KLF7: variants seen among roughly 807,000 people sequenced by gnomAD.
The protein encoded by KLF7 is KLF transcription factor 7, also known as Krueppel-like factor 7.
KLF7 carries 2 observed loss-of-function variants against 27.3 expected under a neutral mutation model. That is an observed-to-expected ratio of 0.07 (90% confidence interval 0.03 to 0.23). The LOEUF (loss-of-function observed/expected upper bound fraction) is 0.23. KLF7 is among the 10% of genes least tolerant of loss of function. The probability of loss-of-function intolerance (pLI) is 1.00; values close to 1 mark genes in which losing one functional copy is unlikely to be tolerated. For missense variants in KLF7, 221 were observed against 394.1 expected (o/e 0.56, Z 3.72); for synonymous variants, 165 against 162.4 (o/e 1.02, Z -0.12).
intron 1 of KLF7, among the ~76,000 whole-genome samples, chr2:207,129,744 A>ATT (rs34737068): frequency 0.69 from 105,180 of 151,790 alleles, 36,539 homozygotes; most frequent in Admixed American, 0.74. Flanking sequence ...TTTCCTCTCC[A>ATT]TGTTTATTTA....
chr2:207,131,722 T>C (rs2077641953), intron 1 of KLF7, among the ~76,000 whole-genome samples: 2 of 152,190 alleles, frequency 1.3e-5, no homozygotes, highest in South Asian at 4.1e-4. Flanking sequence ...TTCTGACACA[T>C]TCCTAGGCTT....
intron 2 of KLF7, among the ~76,000 whole-genome samples, chr2:207,094,610 T>C (rs533973550): frequency 7.2e-5 from 11 of 152,330 alleles, no homozygotes; most frequent in South Asian, 4.1e-4. Flanking sequence ...AAAGACATTG[T>C]AGAGAAAGTG....
chr2:207,117,053 C>T (rs1171775721), intron 2 of KLF7, among the ~76,000 whole-genome samples: 2 of 151,830 alleles, frequency 1.3e-5, no homozygotes, highest in Non-Finnish European at 2.9e-5. Context: ...TAATTTCATG[C>T]TTTTCTTTCT....
intron 2 of KLF7, among the ~76,000 whole-genome samples, chr2:207,102,391 G>A (rs906144605): frequency 4.6e-5 from 7 of 152,110 alleles, no homozygotes; most frequent in Non-Finnish European, 1.0e-4. Flanking sequence ...TACTTTGGAA[G>A]GGGGAAAAAG....
At chr2:207,171,936 T>C (rs1329196769), upstream of KLF7, among the ~76,000 whole-genome samples, 1 of 152,198 alleles carries the variant, frequency 6.6e-6, no homozygotes, top group Non-Finnish European at 1.5e-5. Context: ...TATGTGCTAA[T>C]TGTAAAATGA....
At chr2:207,086,270 C>T (rs2105863790) in intron 3 of KLF7, among the ~76,000 whole-genome samples, 1 of 152,346 alleles carries the variant, frequency 6.6e-6, no homozygotes, top group South Asian at 2.1e-4. Context: ...CTCCCGGTCA[C>T]TCCAGGCTTT....
chr2:207,107,339 C>T (rs980673866), intron 2 of KLF7, among the ~76,000 whole-genome samples: 10 of 152,104 alleles, frequency 6.6e-5, no homozygotes, highest in African/African-American at 1.2e-4. Flanking sequence ...GAACAAAGGA[C>T]GCCTCTGACA....
At position 207,165,776 on chromosome 2, in the gene KLF7, G is replaced by A; in HGVS notation, c.-208C>T. ...GGTGAGAGAGGAGCGAGTGAGTGGG[G>A]TGGATGGAGAGAGGCATCCAGCGTG... On this transcript the variant is annotated 5_prime_UTR_variant, in exon 1 of 4. Transcript: ENST00000309446. The A allele has an allele frequency of 7.0e-7, 1 of 1,431,930 alleles. No homozygotes were observed. Among genetic ancestry groups the A allele is most frequent in the South Asian group, 1.5e-5 (1 of 66,470 alleles). The allele number at this position is 1,431,930 out of a possible 1,614,324, so 88.7% of individuals were successfully genotyped here.
At chr2:207,105,852 C>G (rs1167611293) in intron 2 of KLF7, among the ~76,000 whole-genome samples, 1 of 152,190 alleles carries the variant, frequency 6.6e-6, no homozygotes, top group Non-Finnish European at 1.5e-5. Flanking sequence ...GACCCTAGCA[C>G]AGGTGGCTAC....
rs2076256490 is a variant in KLF7 at position 207,080,994 on chromosome 2, G to A, written c.*219C>T. The A allele has an allele frequency of 3.8e-6, 2 of 531,576 alleles. No individual in the cohort carries two copies. Among genetic ancestry groups the A allele is most frequent in the Non-Finnish European group, 3.3e-6 (1 of 299,256 alleles). 32.9% of individuals were successfully genotyped at this position (531,576 alleles called of 1,614,324 possible). On this transcript the variant is annotated 3_prime_UTR_variant, in exon 4 of 4. Coordinates refer to ENST00000309446, the MANE Select transcript of KLF7 (RefSeq NM_003709.4). ...CTAGGGCAAGGCATAAAGAATAGAC[G>A]TATATATTTTAAATATAGTTGAGTG... is the stretch of plus-strand genomic sequence containing the variant.
At chr2:207,153,344 G>A (rs1414134396) in intron 1 of KLF7, among the ~76,000 whole-genome samples, 2 of 152,028 alleles carry the variant, frequency 1.3e-5, no homozygotes, top group African/African-American at 2.4e-5. Context: ...GAGGGAGGTC[G>A]TACTAAAAAA....
chr2:207,117,055 T>A (rs2077206972), intron 2 of KLF7, among the ~76,000 whole-genome samples: 1 of 151,984 alleles, frequency 6.6e-6, no homozygotes, highest in Non-Finnish European at 1.5e-5. Context: ...ATTTCATGCT[T>A]TTCTTTCTCC....
intron 2 of KLF7, among the ~76,000 whole-genome samples, chr2:207,097,922 AC>A (rs2076669831): frequency 6.6e-6 from 1 of 152,280 alleles, no homozygotes; most frequent in East Asian, 1.9e-4. Flanking sequence ...GCCAACAAAC[AC>A]CACTGCTCCC....
At chr2:207,101,149 C>G (rs1181532196) in intron 2 of KLF7, among the ~76,000 whole-genome samples, 1 of 152,232 alleles carries the variant, frequency 6.6e-6, no homozygotes, top group Non-Finnish European at 1.5e-5. Flanking sequence ...GACTTCTGGT[C>G]TAACTCACCG....
chr2:207,121,920 T>C (rs2077351201), intron 2 of KLF7: 1 of 152,172 alleles, frequency 6.6e-6, no homozygotes, highest in East Asian at 1.9e-4. Flanking sequence ...GATGTGCCCT[T>C]AGTGCCAATA....
At chr2:207,167,225 CAT>C (rs1352313409), upstream of KLF7, 3 of 1,195,550 alleles carry the variant, frequency 2.5e-6, no homozygotes, top group South Asian at 2.2e-5. Context: ...GGGATGTAGA[CAT>C]AGAGAGATCT....
intron 1 of KLF7, among the ~76,000 whole-genome samples, chr2:207,165,258 C>T (rs1343861492): frequency 6.6e-6 from 1 of 152,142 alleles, no homozygotes; most frequent in Non-Finnish European, 1.5e-5. Context: ...GCACCGGCTG[C>T]TCAGCTCGGC....
At chr2:207,168,906 G>C (rs1280671188), upstream of KLF7, among the ~76,000 whole-genome samples, 1 of 152,162 alleles carries the variant, frequency 6.6e-6, no homozygotes, top group Non-Finnish European at 1.5e-5. Context: ...AACTTTGGCA[G>C]TTCAGCAAAC....
chr2:207,160,668 G>A (rs1275142275), intron 1 of KLF7, among the ~76,000 whole-genome samples: 5 of 152,158 alleles, frequency 3.3e-5, no homozygotes, highest in African/African-American at 1.2e-4. Flanking sequence ...TAAAACGCAA[G>A]AATTCTCTGA....
Sources: allele counts gnomAD v4.1 joint callset (sites outside exome capture counted in the v4.1 genomes callset), GRCh38; gene constraint gnomAD v4.1.1; transcripts MANE v1.5; gene names NCBI Gene and HGNC (gene_info 2026-07-23, HGNC 2026-07-21).